The following LEPR variants were observed in gnomAD, a reference collection of about 807,000 sequenced individuals.
The protein encoded by LEPR is OB receptor.
A neutral mutation model predicts 114.7 loss-of-function variants in LEPR; 56 were observed. The ratio of observed to expected loss-of-function variants is 0.49; its 90% CI spans 0.39 to 0.61. The LOEUF (loss-of-function observed/expected upper bound fraction) is 0.61. Ranked by LOEUF, LEPR falls within the 20% of genes least tolerant of loss-of-function variation. LEPR has a pLI of 0.00. For missense variants in LEPR, 1,202 were observed against 1,352.9 expected (o/e 0.89, Z 1.75); for synonymous variants, 443 against 461.4 (o/e 0.96, Z 0.51).
chr1:65,602,038 A>G, intron 10 of LEPR, 78 bp downstream of exon 10: 1 of 1,187,620 alleles, frequency 8.4e-7, no homozygotes, highest in Non-Finnish European at 1.3e-6. Flanking sequence ...TTACAACAGT[A>G]GTCTTACAGA....
chr1:65,488,162 T>TCC (rs1557619874), intron 2 of LEPR, among the ~76,000 whole-genome samples: 953 of 22,268 alleles, frequency 0.043, 14 homozygotes, highest in African/African-American at 0.11. Context: ...CTTCCTTCCT[T>TCC]TCTTTCTTTC....
At chr1:65,557,334 T>C (rs1167233946) in intron 2 of LEPR, among the ~76,000 whole-genome samples, 1 of 152,214 alleles carries the variant, frequency 6.6e-6, no homozygotes, top group Non-Finnish European at 1.5e-5. Context: ...TAATGGTGTT[T>C]GGTGTATTAG....
chr1:65,582,352 T>C (rs1557677487), intron 5 of LEPR, among the ~76,000 whole-genome samples: 1 of 152,180 alleles, frequency 6.6e-6, no homozygotes, highest in Non-Finnish European at 1.5e-5. Context: ...AAGGTTCAAC[T>C]TCAGGAGGAG....
intron 8 of LEPR, among the ~76,000 whole-genome samples, chr1:65,600,375 C>A (rs1377158369): frequency 2.6e-5 from 4 of 152,104 alleles, no homozygotes; most frequent in South Asian, 2.1e-4. Context: ...TATGGACATA[C>A]AAAACACAAA....
At chr1:65,535,605 C>T (rs1650714886) in intron 2 of LEPR, among the ~76,000 whole-genome samples, 1 of 151,950 alleles carries the variant, frequency 6.6e-6, no homozygotes, top group South Asian at 2.1e-4. Context: ...CCCGCTTTGG[C>T]CTCCCAAAGC....
At chr1:65,503,796 TACACACACACACACACACACAC>T (rs71584485) in intron 2 of LEPR, among the ~76,000 whole-genome samples, 1 of 147,258 alleles carries the variant, frequency 6.8e-6, no homozygotes, top group Non-Finnish European at 1.5e-5. Context: ...TGAAGTTAGC[TACACACACACACACACACACAC>T]ACACACACAC....
rs1329896366 is a variant in LEPR at position 65,621,477 on chromosome 1, A to C, written c.2597+19A>C. The stretch of plus-strand genomic sequence containing the variant: ...ACCAAAGGTATTGTACTTGAGGTTA[A>C]GAATCTTTACGGCAAAAGTCCTTAC... On this transcript the variant is annotated intron_variant, in intron 18 of 19. Coordinates refer to ENST00000349533, the MANE Select transcript of LEPR (RefSeq NM_002303.6). 3.1e-6 allele frequency: 5 copies of C among 1,603,994 alleles called. No individual in the cohort carries two copies. In the African/African-American group the frequency reaches 6.7e-5, roughly 21 times the overall value.
rs1442767436 is a variant in LEPR at position 65,633,065 on chromosome 1, G to A, written c.2674-3126G>A. ...AATTTATAGTCCAGAACCCATGCTT[G>A]ACAATGTTTTTTGAAATCTTTTATC... On this transcript the variant is annotated intron_variant, in intron 19 of 19. Transcript: ENST00000349533. This position sits in a 1 kb window ranked among gnomAD's most constrained non-coding sequence, Gnocchi z 4.1. The A allele has an allele frequency of 2.8e-6, 3 of 1,069,872 alleles. No homozygotes were observed. Among genetic ancestry groups the A allele is most frequent in the Non-Finnish European group, 4.2e-6 (3 of 714,204 alleles). The allele number at this position is 1,069,872 out of a possible 1,614,324, so 66.3% of individuals were successfully genotyped here.
rs13306525 is a variant in LEPR at position 65,598,947 on chromosome 1, G to T, written c.994+143G>T. 872 of 1,244,704 alleles carry T rather than the reference G, an allele frequency of 7.0e-4. 8 individuals carry two copies. In the East Asian group the frequency reaches 0.02, roughly 28 times the overall value. 77.1% of individuals were successfully genotyped at this position (1,244,704 alleles called of 1,614,324 possible). ...AACTTCCTTGTTTAAACTTTGAACA[G>T]GCCAATTTGTGAATTAAAATTCTGT... is the stretch of plus-strand genomic sequence containing the variant. On this transcript the variant is annotated intron_variant, in intron 8 of 19. Coordinates refer to ENST00000349533, the MANE Select transcript of LEPR (RefSeq NM_002303.6).
chr1:65,625,503 CA>C (rs1658146498), intron 19 of LEPR, among the ~76,000 whole-genome samples: 1 of 151,278 alleles, frequency 6.6e-6, no homozygotes, highest in South Asian at 2.1e-4. Flanking sequence ...TTTTTTTGTA[CA>C]AATTTATGGG....
rs141509569 is a variant in LEPR, at chr1:65,507,537, G to GTATATA, written c.-20-58000_-20-57995dup. Reference sequence around the variant, plus strand: ...CATATATATGTGTATATATATGTGTGTATATATATATATACACACACACAC... The same window carrying GTATATA: ...CATATATATGTGTATATATATGTGTGTATATATATATATATATATACACACACACAC... On this transcript the variant is annotated intron_variant, in intron 2 of 19. Transcript: ENST00000349533. 5.5e-3 allele frequency among the ~76,000 whole-genome samples: 767 copies of GTATATA among 140,458 alleles called. 7 individuals carry two copies. Among genetic ancestry groups the GTATATA allele is most frequent in the Middle Eastern group, 0.018 (5 of 272 alleles). The allele number at this position is 140,458 out of a possible 152,430, so 92.1% of individuals were successfully genotyped here. A position where few individuals can be genotyped will look rare whatever the true frequency, so the allele number is the denominator to read the frequency against.
At chr1:65,552,615 A>C (rs917990774) in intron 2 of LEPR, among the ~76,000 whole-genome samples, 6 of 152,154 alleles carry the variant, frequency 3.9e-5, no homozygotes, top group African/African-American at 1.4e-4. Flanking sequence ...ATGCAAAGGC[A>C]TGTGAGACTG....
intron 2 of LEPR, among the ~76,000 whole-genome samples, chr1:65,517,943 C>T (rs11208660): frequency 0.12 from 17,738 of 152,230 alleles, 1,235 homozygotes; most frequent in African/African-American, 0.18. Context: ...ACCATATTTT[C>T]CTCATGACTG....
At position 65,421,440 on chromosome 1, in the gene LEPR, G is replaced by A. The variant is rs990285440; in HGVS notation, c.-97+700G>A. The A allele has an allele frequency of 1.8e-5, 28 of 1,535,942 alleles. No homozygotes were observed. The highest frequency in any genetic ancestry group is 3.3e-4 in the Middle Eastern group (2 of 6,012). ...CAATGCGAGACGGAAAAGGTTTTTTGCAAGGCTTCCTGTATTTTGGTAGGA... is the reference window on the plus strand; with the variant it reads ...CAATGCGAGACGGAAAAGGTTTTTTACAAGGCTTCCTGTATTTTGGTAGGA... On this transcript the variant is annotated intron_variant, in intron 1 of 19. Coordinates refer to ENST00000349533, the MANE Select transcript of LEPR (RefSeq NM_002303.6).
At chr1:65,484,773 A>G (rs114546025) in intron 2 of LEPR, among the ~76,000 whole-genome samples, 2,248 of 152,322 alleles carry the variant, frequency 0.015, 56 homozygotes, top group African/African-American at 0.05. Flanking sequence ...AGATTTGTTT[A>G]GGTCAATTTC....
intron 8 of LEPR, among the ~76,000 whole-genome samples, chr1:65,599,212 G>A (rs1216363563): frequency 6.6e-6 from 1 of 152,006 alleles, no homozygotes; most frequent in Non-Finnish European, 1.5e-5. Flanking sequence ...GCTTGCTTTT[G>A]AGAGTTTTCA....
intron 2 of LEPR, chr1:65,429,750 T>TG: frequency 1.1e-6 from 1 of 927,370 alleles, no homozygotes; most frequent in South Asian, 2.7e-5. Flanking sequence ...AATTAATTAA[T>TG]TTTTTGACCT....
chr1:65,592,653 A>C lies in LEPR; in HGVS notation c.495-4A>C, dbSNP rs757123390. The C allele has an allele frequency of 2.5e-6, 4 of 1,612,508 alleles. No homozygotes were observed. The East Asian group carries it at 8.9e-5, about 36-fold the overall frequency. On this transcript the variant is annotated splice_polypyrimidine_tract_variant and splice_region_variant and intron_variant, in intron 5 of 19. Coordinates refer to ENST00000349533, the MANE Select transcript of LEPR (RefSeq NM_002303.6). ...TAATATTTAGCTCTTATTTTTCAAT[A>C]TAGGCCTGAAGTGTTAGAAGATTCA...
At position 65,636,715 on chromosome 1, in the gene LEPR, T is replaced by G; in HGVS notation, c.3198T>G (p.Asn1066Lys). The change falls in exon 20 of 20, where the codon AAT becomes AAG. Residue 1066 changes from asparagine (N) to lysine (K), a missense_variant. Physicochemically the swap from Asn to Lys is moderately conservative, Grantham distance 94. Coordinates refer to ENST00000349533, the MANE Select transcript of LEPR (RefSeq NM_002303.6). The part of the protein sequence containing the change: ...GLDELLKLEG[N>K]FPEENNDKKS... The stretch of plus-strand genomic sequence containing the variant: ...ATGAACTTTTGAAATTGGAGGGAAA[T>G]TTCCCTGAAGAAAATAATGATAAAA... 1 of 1,608,842 alleles carries G rather than the reference T, an allele frequency of 6.2e-7. No individual in the cohort carries two copies. Among genetic ancestry groups the G allele is most frequent in the Non-Finnish European group, 8.5e-7 (1 of 1,177,678 alleles).
Sources: allele counts gnomAD v4.1 joint callset (sites outside exome capture counted in the v4.1 genomes callset), GRCh38; gene constraint gnomAD v4.1.1; non-coding constraint Gnocchi (gnomAD v3.1); transcripts MANE v1.5; gene names NCBI Gene and HGNC (gene_info 2026-07-23, HGNC 2026-07-21).